Variants in CHST11 observed in about 807,000 individuals in gnomAD.
CHST11 encodes C4S-1.
In CHST11, 9 loss-of-function variants were observed where a neutral mutation model predicts 30.4. That is an observed-to-expected ratio of 0.30 (90% CI 0.18 to 0.52). The LOEUF (loss-of-function observed/expected upper bound fraction) is 0.52. Ranked by LOEUF, CHST11 falls within the 20% of genes least tolerant of loss-of-function variation. CHST11 has a pLI of 0.97. For missense variants in CHST11, 348 were observed against 460.6 expected, an observed-to-expected ratio of 0.76 and a Z score of 2.24; for synonymous variants, 152 against 187.8, an observed-to-expected ratio of 0.81 and a Z score of 1.56.
At chr12:104,639,991 T>G (rs144766856) in intron 2 of CHST11, among the ~76,000 whole-genome samples, 131 of 152,332 alleles carry the variant, frequency 8.6e-4, no homozygotes, top group African/African-American at 2.5e-3. Flanking sequence ...CTACATCATA[T>G]GTCGTTAGGG....
intron 1 of CHST11, among the ~76,000 whole-genome samples, chr12:104,462,739 C>A (rs893877325): frequency 6.6e-6 from 1 of 151,782 alleles, no homozygotes; most frequent in Admixed American, 6.6e-5. Context: ...TCTCATGTAC[C>A]CCATAAATAT....
At chr12:104,495,300 C>T (rs893861905) in intron 1 of CHST11, among the ~76,000 whole-genome samples, 5 of 152,040 alleles carry the variant, frequency 3.3e-5, no homozygotes, top group Admixed American at 6.6e-5. Flanking sequence ...AATATCTCTC[C>T]GGAATCCTGC....
intron 2 of CHST11, among the ~76,000 whole-genome samples, chr12:104,624,710 G>A (rs1486870719): frequency 2.0e-5 from 3 of 152,158 alleles, no homozygotes; most frequent in Admixed American, 2.0e-4. Flanking sequence ...ATTTTCCCAG[G>A]TGTGTTAGTC....
At chr12:104,618,673 T>C (rs1357226150) in intron 2 of CHST11, among the ~76,000 whole-genome samples, 1 of 152,206 alleles carries the variant, frequency 6.6e-6, no homozygotes, top group East Asian at 1.9e-4. Context: ...CCAGTGACTT[T>C]CTTACTCCCT....
At chr12:104,609,815 T>G (rs183393766) in intron 2 of CHST11, among the ~76,000 whole-genome samples, 1 of 152,332 alleles carries the variant, frequency 6.6e-6, no homozygotes, top group Admixed American at 6.5e-5. Flanking sequence ...GGGCATTTTC[T>G]TAGGGGTCTG....
chr12:104,660,745 G>C (rs527352738), intron 2 of CHST11, among the ~76,000 whole-genome samples: 2 of 152,126 alleles, frequency 1.3e-5, no homozygotes, highest in Admixed American at 6.5e-5. Context: ...GTGCGTATCT[G>C]CCATTCCTCT....
At chr12:104,686,290 G>A (rs1385076446) in intron 2 of CHST11, among the ~76,000 whole-genome samples, 2 of 150,464 alleles carry the variant, frequency 1.3e-5, no homozygotes, top group African/African-American at 4.9e-5. Context: ...ACTTTTCCTA[G>A]GAGTCTAATG....
intron 1 of CHST11, among the ~76,000 whole-genome samples, chr12:104,599,188 G>T (rs1465436398): frequency 6.6e-6 from 1 of 152,174 alleles, no homozygotes; most frequent in Non-Finnish European, 1.5e-5. Context: ...GGTTCCCATG[G>T]CACCCAGTGA....
chr12:104,630,748 T>G (rs929017786), intron 2 of CHST11, among the ~76,000 whole-genome samples: 1 of 152,144 alleles, frequency 6.6e-6, no homozygotes, highest in Non-Finnish European at 1.5e-5. Context: ...AGGCAAGGAG[T>G]CATGGCCTCA....
intron 1 of CHST11, among the ~76,000 whole-genome samples, chr12:104,488,699 G>A (rs1409148879): frequency 3.7e-5 from 5 of 136,948 alleles, no homozygotes. Context: ...GCGTATGTGT[G>A]TGTATGTGTG....
intron 1 of CHST11, among the ~76,000 whole-genome samples, chr12:104,549,666 A>G (rs1018982733): frequency 6.6e-6 from 1 of 152,178 alleles, no homozygotes; most frequent in African/African-American, 2.4e-5. Flanking sequence ...AGCTGGTTGG[A>G]AGGCCGAGGC....
chr12:104,539,497 T>C (rs188625606), intron 1 of CHST11, among the ~76,000 whole-genome samples: 10 of 152,290 alleles, frequency 6.6e-5, no homozygotes, highest in Admixed American at 6.5e-4. Flanking sequence ...ATATTTAAAA[T>C]AGGGATTGTT....
At chr12:104,461,106 G>T (rs189549159) in intron 1 of CHST11, among the ~76,000 whole-genome samples, 10 of 152,282 alleles carry the variant, frequency 6.6e-5, no homozygotes, top group Admixed American at 6.5e-4. Context: ...GGCTCTGTCT[G>T]GTGGGGAAAC....
chr12:104,549,886 G>A (rs903603865), intron 1 of CHST11, among the ~76,000 whole-genome samples: 4 of 152,150 alleles, frequency 2.6e-5, no homozygotes, highest in Admixed American at 2.6e-4. Context: ...CAGCCTGGGC[G>A]ACAGAGTGAG....
intron 2 of CHST11, among the ~76,000 whole-genome samples, chr12:104,689,390 G>C (rs1466898844): frequency 6.6e-6 from 1 of 152,214 alleles, no homozygotes; most frequent in African/African-American, 2.4e-5. Context: ...GCAGACGCCT[G>C]AGACCCTCGT....
At chr12:104,614,115 T>G (rs2039085879) in intron 2 of CHST11, among the ~76,000 whole-genome samples, 1 of 152,220 alleles carries the variant, frequency 6.6e-6, no homozygotes, top group Non-Finnish European at 1.5e-5. Flanking sequence ...GGTCATCACT[T>G]TCACTATCTA....
intron 2 of CHST11, among the ~76,000 whole-genome samples, chr12:104,675,560 A>G (rs772549949): frequency 6.6e-6 from 1 of 152,132 alleles, no homozygotes; most frequent in African/African-American, 2.4e-5. Context: ...CGAACTAACA[A>G]CCGCTGTTAT....
chr12:104,701,424 C>T (rs1195178471), intron 2 of CHST11, among the ~76,000 whole-genome samples: 1 of 152,138 alleles, frequency 6.6e-6, no homozygotes, highest in Non-Finnish European at 1.5e-5. Flanking sequence ...CTGTGAGCCC[C>T]AGACTGACCA....
chr12:104,533,179 C>T (rs940733858), intron 1 of CHST11, among the ~76,000 whole-genome samples: 4 of 152,202 alleles, frequency 2.6e-5, no homozygotes, highest in Non-Finnish European at 5.9e-5. Flanking sequence ...TTGAACCCAC[C>T]TCCATGACTG....
Sources: gnomAD v4.1 joint callset for allele counts (sites outside exome capture counted in the v4.1 genomes callset) on GRCh38, gnomAD v4.1.1 for gene constraint, MANE v1.5 for transcripts, NCBI Gene and HGNC (gene_info 2026-07-23, HGNC 2026-07-21) for gene names.